CNTNAP2: variants seen among roughly 807,000 people sequenced by gnomAD.
CNTNAP2 encodes the protein contactin associated protein 2, also known as contactin-associated protein-like 2.
A neutral mutation model predicts 155.2 loss-of-function variants in CNTNAP2; 98 were observed. The observed-to-expected ratio is 0.63, with a 90% CI of 0.54 to 0.75. The LOEUF (loss-of-function observed/expected upper bound fraction) is 0.75. Ranked by LOEUF, CNTNAP2 falls within the 30% of genes least tolerant of loss-of-function variation. The probability of loss-of-function intolerance (pLI) is 0.00; values close to 1 mark genes in which losing one functional copy is unlikely to be tolerated. For missense variants in CNTNAP2, 1,727 were observed against 1,688.1 expected, an observed-to-expected ratio of 1.02 and a Z score of -0.40; for synonymous variants, 651 against 631.2, an observed-to-expected ratio of 1.03 and a Z score of -0.47.
intron 13 of CNTNAP2, among the ~76,000 whole-genome samples, chr7:147,831,101 A>T (rs577079917): frequency 6.6e-6 from 1 of 152,194 alleles, no homozygotes; most frequent in Non-Finnish European, 1.5e-5. Context: ...ATGCCTGGTA[A>T]TATGAGAACA....
intron 14 of CNTNAP2, among the ~76,000 whole-genome samples, chr7:147,977,107 C>A (rs1363832187): frequency 6.6e-6 from 1 of 152,146 alleles, no homozygotes; most frequent in Admixed American, 6.6e-5. Context: ...TCATCTTAAG[C>A]CCATCTCCAG....
At chr7:148,056,705 A>G (rs559205228) in intron 15 of CNTNAP2, 3 of 152,338 alleles carry the variant, frequency 2.0e-5, no homozygotes, top group South Asian at 4.1e-4. Context: ...AGTGTGGTTC[A>G]AATATTTTTG....
chr7:148,001,053 T>C (rs894582641), intron 15 of CNTNAP2, among the ~76,000 whole-genome samples: 7 of 152,230 alleles, frequency 4.6e-5, no homozygotes, highest in Non-Finnish European at 8.8e-5. Context: ...GAAAGTCTCA[T>C]TGGATTTAGG....
intron 8 of CNTNAP2, among the ~76,000 whole-genome samples, chr7:147,198,232 CTTT>C (rs71525992): frequency 0.029 from 3,243 of 112,994 alleles, 29 homozygotes; most frequent in Middle Eastern, 0.062. Context: ...TTCCAATATC[CTTT>C]TTTTTTTTTT....
intron 1 of CNTNAP2, among the ~76,000 whole-genome samples, chr7:146,632,935 T>C (rs1233229143): frequency 1.6e-5 from 2 of 122,710 alleles, no homozygotes; most frequent in Non-Finnish European, 3.7e-5. Flanking sequence ...AAAAGAAAAT[T>C]GGTAAGCAAA....
At chr7:146,961,248 G>C (rs1797553528) in intron 3 of CNTNAP2, among the ~76,000 whole-genome samples, 1 of 152,110 alleles carries the variant, frequency 6.6e-6, no homozygotes, top group Admixed American at 6.5e-5. Flanking sequence ...ACCCCTGCAG[G>C]CACAGCCACC....
At chr7:146,842,854 T>G (rs1803761189) in intron 3 of CNTNAP2, among the ~76,000 whole-genome samples, 2 of 147,736 alleles carry the variant, frequency 1.4e-5, no homozygotes, top group Admixed American at 1.4e-4. Flanking sequence ...CCCGGCTAAT[T>G]TTTTGTATTT....
intron 3 of CNTNAP2, chr7:146,915,722 T>C (rs952935045): frequency 6.6e-6 from 1 of 152,116 alleles, no homozygotes; most frequent in African/African-American, 2.4e-5. Context: ...GAGCTTTATG[T>C]ATGAGTCTTT....
At chr7:147,863,730 T>C (rs1799174692) in intron 13 of CNTNAP2, among the ~76,000 whole-genome samples, 1 of 152,158 alleles carries the variant, frequency 6.6e-6, no homozygotes, top group Non-Finnish European at 1.5e-5. Flanking sequence ...AATATCTTGT[T>C]TTGAGAAGTG....
At chr7:147,352,060 A>G (rs1391642191) in intron 9 of CNTNAP2, among the ~76,000 whole-genome samples, 2 of 151,996 alleles carry the variant, frequency 1.3e-5, no homozygotes, top group East Asian at 3.9e-4. Context: ...AAATAGCATC[A>G]GCTAAGGTCA....
intron 12 of CNTNAP2, among the ~76,000 whole-genome samples, chr7:147,577,432 A>C (rs573652403): frequency 6.6e-6 from 1 of 152,180 alleles, no homozygotes; most frequent in Admixed American, 6.5e-5. Flanking sequence ...GAATAACAAC[A>C]AGATGAACCA....
intron 20 of CNTNAP2, among the ~76,000 whole-genome samples, chr7:148,243,997 T>C (rs1796208283): frequency 6.6e-6 from 1 of 152,178 alleles, no homozygotes; most frequent in Non-Finnish European, 1.5e-5. Context: ...ATATGAAACT[T>C]GTTTAGACAT....
At chr7:147,741,840 T>C (rs534438396) in intron 13 of CNTNAP2, among the ~76,000 whole-genome samples, 3 of 152,324 alleles carry the variant, frequency 2.0e-5, no homozygotes, top group Non-Finnish European at 4.4e-5. Flanking sequence ...CCATCCTATT[T>C]TATGTTATTA....
intron 1 of CNTNAP2, among the ~76,000 whole-genome samples, chr7:146,531,757 C>T (rs1438814079): frequency 2.0e-5 from 3 of 152,050 alleles, no homozygotes; most frequent in African/African-American, 7.2e-5. Context: ...GTTGGCCAGG[C>T]TGGTTTCGAA....
At chr7:147,306,073 G>A (rs1022715187) in intron 9 of CNTNAP2, among the ~76,000 whole-genome samples, 3 of 152,064 alleles carry the variant, frequency 2.0e-5, no homozygotes, top group African/African-American at 7.2e-5. Flanking sequence ...TAACCTGATT[G>A]TATCTGTAAG....
intron 13 of CNTNAP2, among the ~76,000 whole-genome samples, chr7:147,749,936 A>G (rs1486318607): frequency 6.6e-6 from 1 of 152,174 alleles, no homozygotes; most frequent in Non-Finnish European, 1.5e-5. Context: ...AATACACACA[A>G]ATATATTTGA....
At chr7:147,188,583 A>G (rs1802615976) in intron 8 of CNTNAP2, among the ~76,000 whole-genome samples, 1 of 152,218 alleles carries the variant, frequency 6.6e-6, no homozygotes, top group African/African-American at 2.4e-5. Flanking sequence ...GCTCAGTCTG[A>G]CAGCGGAAGC....
intron 2 of CNTNAP2, among the ~76,000 whole-genome samples, chr7:146,810,299 C>G (rs200443979): frequency 1.1e-5 from 1 of 93,546 alleles, no homozygotes; most frequent in Non-Finnish European, 2.7e-5. Context: ...CTCTAGCTTT[C>G]TTTTTTTTTT....
chr7:147,750,820 C>G (rs990924868), intron 13 of CNTNAP2, among the ~76,000 whole-genome samples: 3 of 152,174 alleles, frequency 2.0e-5, no homozygotes, highest in Non-Finnish European at 2.9e-5. Flanking sequence ...GGGTAGATCA[C>G]GAGGTCAGGA....
Sources: allele counts gnomAD v4.1 joint callset (sites outside exome capture counted in the v4.1 genomes callset), GRCh38; gene constraint gnomAD v4.1.1; transcripts MANE v1.5; gene names NCBI Gene and HGNC (gene_info 2026-07-23, HGNC 2026-07-21).